RABGAP1L: variants seen among roughly 807,000 people sequenced by gnomAD.
RABGAP1L encodes RAB GTPase activating protein 1 like.
Under a neutral mutation model 137.7 loss-of-function variants are expected in RABGAP1L, and 63 were observed. The observed-to-expected ratio is 0.46, with a 90% CI of 0.37 to 0.56. The LOEUF (loss-of-function observed/expected upper bound fraction) is 0.56. Among genes scored for constraint, RABGAP1L ranks in the 20% least tolerant of loss-of-function variants. RABGAP1L has a pLI of 0.00. For missense variants in RABGAP1L, 1,095 were observed against 1,244.0 expected (o/e 0.88, Z 1.80); for synonymous variants, 431 against 433.7 (o/e 0.99, Z 0.08).
Position 174,394,044 on chromosome 1 carries a change from A to AGTG in RABGAP1L, c.1613_1615dup (p.Gly538dup), listed in dbSNP as rs770638006. 6.2e-7 allele frequency: 1 copy of AGTG among 1,613,882 alleles called. No individual in the cohort carries two copies. The highest frequency in any genetic ancestry group is 8.5e-7 in the Non-Finnish European group (1 of 1,179,832). On this transcript the variant is annotated inframe_insertion, in exon 13 of 26. Transcript: ENST00000681986. Reference sequence around the variant, plus strand: ...GAAAGGGCTGTCTACTCTGGTGAAGAGTGGTGTCCCTGAAGCATTGAGGGC... The same window carrying AGTG: ...GAAAGGGCTGTCTACTCTGGTGAAGAGTGGTGGTGTCCCTGAAGCATTGAGGGC...
intron 5 of RABGAP1L, among the ~76,000 whole-genome samples, chr1:174,247,386 A>G (rs535670747): frequency 3.9e-4 from 60 of 152,348 alleles, no homozygotes; most frequent in African/African-American, 1.3e-3. Flanking sequence ...TTAGTGTGGC[A>G]TCTCCACAGT....
chr1:174,621,191 A>G (rs1158726233), intron 13 of RABGAP1L, among the ~76,000 whole-genome samples: 1 of 152,202 alleles, frequency 6.6e-6, no homozygotes, highest in Non-Finnish European at 1.5e-5. Flanking sequence ...CCACTGCTCA[A>G]GGAAATAAAA....
intron 13 of RABGAP1L, among the ~76,000 whole-genome samples, chr1:174,490,482 G>A (rs1473486741): frequency 6.6e-6 from 1 of 152,136 alleles, no homozygotes; most frequent in African/African-American, 2.4e-5. Flanking sequence ...TGATACAAGT[G>A]CCCCTGTGGT....
At chr1:174,453,943 T>G (rs1413732204) in intron 13 of RABGAP1L, among the ~76,000 whole-genome samples, 1 of 152,188 alleles carries the variant, frequency 6.6e-6, no homozygotes, top group African/African-American at 2.4e-5. Context: ...ATTTCTTTTA[T>G]AATCAGAAAA....
At chr1:174,176,199 A>G (rs1173735864) in intron 1 of RABGAP1L, among the ~76,000 whole-genome samples, 1 of 152,196 alleles carries the variant, frequency 6.6e-6, no homozygotes, top group Admixed American at 6.5e-5. Flanking sequence ...CCAGAATTCT[A>G]CAGTTGGTAG....
intron 8 of RABGAP1L, among the ~76,000 whole-genome samples, chr1:174,273,290 G>A (rs1423859917): frequency 6.6e-6 from 1 of 151,934 alleles, no homozygotes; most frequent in Non-Finnish European, 1.5e-5. Flanking sequence ...TAGCAGTACA[G>A]GAATGGTTTA....
chr1:174,326,960 A>G (rs1398717663), intron 11 of RABGAP1L, among the ~76,000 whole-genome samples: 2 of 152,204 alleles, frequency 1.3e-5, no homozygotes. Flanking sequence ...AATACTGTAC[A>G]CAGTAAAGCT....
chr1:174,734,142 T>G (rs1682736417), intron 17 of RABGAP1L, among the ~76,000 whole-genome samples: 1 of 152,248 alleles, frequency 6.6e-6, no homozygotes, highest in Non-Finnish European at 1.5e-5. Context: ...TTTACATGTT[T>G]TTGATTCCTA....
At chr1:174,262,750 T>C (rs550551617) in intron 7 of RABGAP1L, among the ~76,000 whole-genome samples, 34 of 152,378 alleles carry the variant, frequency 2.2e-4, no homozygotes, top group African/African-American at 7.2e-4. Flanking sequence ...AACCATATCC[T>C]ATCCAGTTAC....
chr1:174,562,238 A>C (rs993800034), intron 13 of RABGAP1L, among the ~76,000 whole-genome samples: 2 of 152,270 alleles, frequency 1.3e-5, no homozygotes, highest in African/African-American at 4.8e-5. Flanking sequence ...TGCAGCCAAC[A>C]AACATATGAA....
At chr1:174,660,895 A>G (rs780937068) in intron 14 of RABGAP1L, among the ~76,000 whole-genome samples, 11 of 152,214 alleles carry the variant, frequency 7.2e-5, no homozygotes, top group Admixed American at 1.3e-4. Context: ...TATTGCCTTC[A>G]AAGATACTAT....
intron 11 of RABGAP1L, among the ~76,000 whole-genome samples, chr1:174,326,948 A>G (rs890823412): frequency 2.6e-5 from 4 of 152,210 alleles, no homozygotes; most frequent in African/African-American, 4.8e-5. Flanking sequence ...CTGTCAACCA[A>G]GAATACTGTA....
At chr1:174,645,841 C>T (rs1022305343) in intron 14 of RABGAP1L, among the ~76,000 whole-genome samples, 3 of 152,086 alleles carry the variant, frequency 2.0e-5, no homozygotes, top group East Asian at 1.9e-4. Flanking sequence ...AAAAGTGTTC[C>T]TGTTTCTCCA....
intron 3 of RABGAP1L, among the ~76,000 whole-genome samples, chr1:174,222,059 G>T (rs980639967): frequency 1.3e-5 from 2 of 151,440 alleles, no homozygotes; most frequent in South Asian, 4.2e-4. Context: ...TGAATTCCTG[G>T]CTTCAGGTGA....
intron 13 of RABGAP1L, among the ~76,000 whole-genome samples, chr1:174,612,535 T>C (rs2148218776): frequency 6.6e-6 from 1 of 152,334 alleles, no homozygotes; most frequent in East Asian, 1.9e-4. Context: ...GTTGTGTCTC[T>C]GCCCGGCTTT....
chr1:174,510,797 TTA>T (rs1353725594), intron 13 of RABGAP1L, among the ~76,000 whole-genome samples: 2 of 152,156 alleles, frequency 1.3e-5, no homozygotes, highest in Non-Finnish European at 2.9e-5. Flanking sequence ...ACAAAGAAAT[TTA>T]ATAAGAGAGT....
chr1:174,667,521 G>C (rs1335514944), intron 14 of RABGAP1L, among the ~76,000 whole-genome samples: 4 of 152,168 alleles, frequency 2.6e-5, no homozygotes, highest in Non-Finnish European at 5.9e-5. Context: ...ACATAGAAAA[G>C]AACTTAGCAT....
At chr1:174,383,817 C>T (rs1452166315) in intron 12 of RABGAP1L, among the ~76,000 whole-genome samples, 3 of 151,524 alleles carry the variant, frequency 2.0e-5, no homozygotes, top group Admixed American at 6.6e-5. Context: ...CTCCTCCTCG[C>T]AACTGCAACT....
At chr1:174,870,680 G>A (rs1205625746) in intron 19 of RABGAP1L, among the ~76,000 whole-genome samples, 2 of 151,664 alleles carry the variant, frequency 1.3e-5, no homozygotes, top group Admixed American at 1.3e-4. Flanking sequence ...GATGAAATGA[G>A]ATTTTGTGTT....
Sources: allele counts gnomAD v4.1 joint callset (sites outside exome capture counted in the v4.1 genomes callset), GRCh38; gene constraint gnomAD v4.1.1; transcripts MANE v1.5; gene names NCBI Gene and HGNC (gene_info 2026-07-23, HGNC 2026-07-21).